The following PSD2 variants were observed in gnomAD, a reference collection of about 807,000 sequenced individuals.
The protein encoded by PSD2 is pleckstrin and Sec7 domain containing 2, also known as PH and SEC7 domain-containing protein 2.
Under a neutral mutation model 69.8 loss-of-function variants are expected in PSD2, and 38 were observed. The ratio of observed to expected loss-of-function variants is 0.54; its 90% CI spans 0.42 to 0.71. The LOEUF is 0.71. Among genes scored for constraint, PSD2 ranks in the 30% least tolerant of loss-of-function variants. The pLI, the probability that PSD2 is intolerant of heterozygous loss-of-function variation, is 0.00. For synonymous variants in PSD2, 412 were observed against 423.0 expected, an observed-to-expected ratio of 0.97 and a Z score of 0.32; for missense variants, 943 against 1,014.5, an observed-to-expected ratio of 0.93 and a Z score of 0.96.
upstream of PSD2, among the ~76,000 whole-genome samples, chr5:139,795,641 G>A (rs1464114165): frequency 6.6e-6 from 1 of 151,866 alleles, no homozygotes; most frequent in Non-Finnish European, 1.5e-5. This position sits in a 1 kb window ranked among gnomAD's most constrained non-coding sequence, Gnocchi z 4.5. Context: ...GCACGCTCGG[G>A]GTCCCGGGGC....
chr5:139,799,301 A>G (rs1042948200), intron 1 of PSD2, among the ~76,000 whole-genome samples: 2 of 152,218 alleles, frequency 1.3e-5, no homozygotes, highest in Non-Finnish European at 2.9e-5. Context: ...ACATCAGACC[A>G]GATGCTGGAG....
At chr5:139,812,815 G>T (rs1760005933) in intron 2 of PSD2, among the ~76,000 whole-genome samples, 1 of 152,188 alleles carries the variant, frequency 6.6e-6, no homozygotes, top group South Asian at 2.1e-4. Context: ...TGGGAGCCTG[G>T]AGGAAGCAGC....
chr5:139,814,475 C>T lies in PSD2; in HGVS notation c.1016+111C>T, dbSNP rs1363330660. 3 of 933,082 alleles carry T rather than the reference C, an allele frequency of 3.2e-6. No individual in the cohort carries two copies. Among genetic ancestry groups the T allele is most frequent in the East Asian group, 3.0e-5 (1 of 33,162 alleles). The allele number at this position is 933,082 out of a possible 1,614,324, so 57.8% of individuals were successfully genotyped here. On this transcript the variant is annotated intron_variant, in intron 4 of 14. Transcript: ENST00000274710. This position sits in a 1 kb window ranked among gnomAD's most constrained non-coding sequence, Gnocchi z 4.4. Reference sequence around the variant, plus strand: ...GGTGCCAGGTGCTGGGGGGGCACTCCCAACAGTTCCCCAAGGACACCTCCT... The same window carrying T: ...GGTGCCAGGTGCTGGGGGGGCACTCTCAACAGTTCCCCAAGGACACCTCCT...
chr5:139,776,108 G>A, the PSD2 span, among the ~76,000 whole-genome samples: 1 of 152,224 alleles, frequency 6.6e-6, no homozygotes, highest in African/African-American at 2.4e-5. Flanking sequence ...CCATGGTAAC[G>A]ACACCGGCAG....
intron 7 of PSD2, among the ~76,000 whole-genome samples, chr5:139,826,157 T>C (rs955156265): frequency 6.6e-6 from 1 of 152,140 alleles, no homozygotes; most frequent in Non-Finnish European, 1.5e-5. Flanking sequence ...ATTGGAGACC[T>C]TTATAAGAGC....
chr5:139,782,823 A>G, the PSD2 span, among the ~76,000 whole-genome samples: 1 of 152,148 alleles, frequency 6.6e-6, no homozygotes. Flanking sequence ...ACTTGGCTTT[A>G]TTTTATTTTT....
rs1334631036 is a variant in PSD2, at chr5:139,795,987, C to T, written c.-51+12C>T. ...GGGGACCAGCAGCGGTGAGTGGGGC[C>T]GCGGGGCTCCGGGACCCGCCCCTCC... On this transcript the variant is annotated intron_variant, in intron 1 of 14. Transcript: ENST00000274710. This position sits in a 1 kb window ranked among gnomAD's most constrained non-coding sequence, Gnocchi z 4.5. 3 of 151,004 alleles carry T rather than the reference C, an allele frequency of 2.0e-5. No homozygotes were observed. The highest frequency in any genetic ancestry group is 2.0e-4 in the Admixed American group (3 of 15,166). 9.4% of individuals were successfully genotyped at this position (151,004 alleles called of 1,614,324 possible). A position where few individuals can be genotyped will look rare whatever the true frequency, so the allele number is the denominator to read the frequency against.
At chr5:139,780,845 T>G in the PSD2 span, among the ~76,000 whole-genome samples, 1 of 152,226 alleles carries the variant, frequency 6.6e-6, no homozygotes, top group Non-Finnish European at 1.5e-5. Flanking sequence ...GTCCAGACCC[T>G]TGGTTAACTC....
At chr5:139,795,231 C>A (rs929978291), upstream of PSD2, among the ~76,000 whole-genome samples, 1 of 152,148 alleles carries the variant, frequency 6.6e-6, no homozygotes, top group African/African-American at 2.4e-5. The surrounding 1 kb of genome is among the most constrained non-coding windows in gnomAD (Gnocchi z 4.5). Flanking sequence ...GTCTCCGTCC[C>A]GTCCCGTGTG....
At chr5:139,825,287 C>A (rs1760388102) in intron 7 of PSD2, among the ~76,000 whole-genome samples, 1 of 152,236 alleles carries the variant, frequency 6.6e-6, no homozygotes, top group Non-Finnish European at 1.5e-5. Context: ...TAGGACCACG[C>A]ATTTCAGGCA....
intron 4 of PSD2, among the ~76,000 whole-genome samples, chr5:139,816,650 C>A (rs932098019): frequency 3.9e-5 from 6 of 152,230 alleles, no homozygotes; most frequent in Admixed American, 1.3e-4. Flanking sequence ...ATTCCTCATG[C>A]CAGTCTTCTT....
chr5:139,832,803 A>G (rs1463515426), intron 7 of PSD2, among the ~76,000 whole-genome samples: 2 of 152,168 alleles, frequency 1.3e-5, no homozygotes, highest in Admixed American at 1.3e-4. Context: ...TGTTTTCTCA[A>G]ACGTGGGGAC....
chr5:139,769,446 C>T, the PSD2 span, among the ~76,000 whole-genome samples: 2 of 152,050 alleles, frequency 1.3e-5, no homozygotes, highest in Admixed American at 1.3e-4. Context: ...ACCTCTATGC[C>T]CTCATCTCTC....
At chr5:139,836,042 G>A (rs1760709147) in intron 9 of PSD2, among the ~76,000 whole-genome samples, 1 of 152,236 alleles carries the variant, frequency 6.6e-6, no homozygotes, top group Non-Finnish European at 1.5e-5. Flanking sequence ...TCTATATGGG[G>A]ATAGTGTTCC....
chr5:139,814,997 A>T lies in PSD2; in HGVS notation c.1016+633A>T, dbSNP rs1030465184. 6.6e-6 allele frequency among the ~76,000 whole-genome samples: 1 copy of T among 151,628 alleles called. No homozygotes were observed. Among genetic ancestry groups the T allele is most frequent in the Non-Finnish European group, 1.5e-5 (1 of 67,858 alleles). On this transcript the variant is annotated intron_variant, in intron 4 of 14. Transcript: ENST00000274710. This position sits in a 1 kb window ranked among gnomAD's most constrained non-coding sequence, Gnocchi z 4.4. ...ACCTGCCCCTGGCCCTTTCATCCAG[A>T]TTGCCTCCCAACGTCCGCATTAAGG...
chr5:139,822,843 G>T, intron 7 of PSD2, 59 bp downstream of exon 7: 1 of 1,453,510 alleles, frequency 6.9e-7, no homozygotes, highest in Non-Finnish European at 9.4e-7. Flanking sequence ...ACCTTGTGTT[G>T]ATCCCGGCCC....
chr5:139,778,945 C>CAAAAAAAAAAAAAAAAAA, the PSD2 span, among the ~76,000 whole-genome samples: 36 of 99,702 alleles, frequency 3.6e-4, no homozygotes, highest in Non-Finnish European at 4.0e-4. Context: ...AGAAAAAAAA[C>CAAAAAAAAAAAAAAAAAA]AAAAAAAAAA....
intron 2 of PSD2, 121 bp downstream of exon 2, chr5:139,809,932 A>C: frequency 9.1e-7 from 1 of 1,102,310 alleles, no homozygotes; most frequent in Non-Finnish European, 1.3e-6. Context: ...TGGGGATTTC[A>C]TATCCCTCTT....
Position 139,814,023 on chromosome 5 carries a change from T to C in PSD2, c.822-147T>C. The C allele has an allele frequency of 1.2e-6, 1 of 803,448 alleles. No individual in the cohort carries two copies. Among genetic ancestry groups the C allele is most frequent in the South Asian group, 1.8e-5 (1 of 56,366 alleles). The allele number at this position is 803,448 out of a possible 1,614,324, so 49.8% of individuals were successfully genotyped here. ...TTGAGAGGTTCTTCTGAAAGTCTGATTTCATTCCCTCCGGCTGCAGTGGAG... is the reference window on the plus strand; with the variant it reads ...TTGAGAGGTTCTTCTGAAAGTCTGACTTCATTCCCTCCGGCTGCAGTGGAG... On this transcript the variant is annotated intron_variant, in intron 3 of 14. Coordinates refer to ENST00000274710, the MANE Select transcript of PSD2 (RefSeq NM_032289.4). This position sits in a 1 kb window ranked among gnomAD's most constrained non-coding sequence, Gnocchi z 4.4.
Sources: gnomAD v4.1 joint callset for allele counts (sites outside exome capture counted in the v4.1 genomes callset) on GRCh38, gnomAD v4.1.1 for gene constraint, Gnocchi (gnomAD v3.1) non-coding constraint, MANE v1.5 for transcripts, NCBI Gene and HGNC (gene_info 2026-07-23, HGNC 2026-07-21) for gene names.